Variants in FBXL13 observed in about 807,000 individuals in gnomAD.
FBXL13 encodes the protein F-box and leucine rich repeat protein 13.
Under a neutral mutation model 83.6 loss-of-function variants are expected in FBXL13, and 67 were observed. The ratio of observed to expected loss-of-function variants is 0.80; its 90% CI spans 0.66 to 0.98. The LOEUF is 0.98. Ranked by LOEUF, FBXL13 falls within the 50% of genes least tolerant of loss-of-function variation. The pLI is 0.00. For synonymous variants in FBXL13, 272 were observed against 299.5 expected (o/e 0.91, Z 0.95); for missense variants, 822 against 866.5 (o/e 0.95, Z 0.64).
intron 6 of FBXL13, among the ~76,000 whole-genome samples, chr7:102,979,313 T>C (rs1042590648): frequency 7.2e-5 from 11 of 152,230 alleles, no homozygotes; most frequent in Non-Finnish European, 1.5e-4. Flanking sequence ...CTGGAGATGC[T>C]AGGGCTTACC....
intron 14 of FBXL13, 41 bp downstream of exon 15, chr7:102,883,264 T>C (rs369876688): frequency 6.4e-7 from 1 of 1,570,678 alleles, no homozygotes; most frequent in Non-Finnish European, 8.6e-7. Flanking sequence ...ACATACTAGA[T>C]AATCAACGTT....
At chr7:102,871,965 C>T (rs891036062) in intron 16 of FBXL13, among the ~76,000 whole-genome samples, 7 of 152,100 alleles carry the variant, frequency 4.6e-5, no homozygotes, top group Non-Finnish European at 5.9e-5. Context: ...CAGAGAACAA[C>T]TCAAATAATC....
At chr7:102,838,340 A>G (rs1335039789) in intron 17 of FBXL13, among the ~76,000 whole-genome samples, 1 of 152,134 alleles carries the variant, frequency 6.6e-6, no homozygotes, top group Non-Finnish European at 1.5e-5. Flanking sequence ...GTTGAACAGT[A>G]CCTTGCACAT....
chr7:102,926,234 A>AT, intron 10 of FBXL13, 40 bp downstream of exon 11: 1 of 1,566,848 alleles, frequency 6.4e-7, no homozygotes, highest in Non-Finnish European at 8.7e-7. Context: ...CTTTGGGAGC[A>AT]TAATTTTTTT....
At chr7:102,883,769 A>G (rs1277107678) in intron 12 of FBXL13, 84 bp from the exon 14 acceptor site, 1 of 780,618 alleles carries the variant, frequency 1.3e-6, no homozygotes, top group Non-Finnish European at 2.1e-6. Flanking sequence ...CCTTCAATAT[A>G]TTAGAGACAG....
At chr7:102,946,650 TTTTATTTA>T (rs10570570) in intron 8 of FBXL13, among the ~76,000 whole-genome samples, 8,698 of 140,888 alleles carry the variant, frequency 0.062, 780 homozygotes, top group African/African-American at 0.21. Flanking sequence ...TCTATTTTTA[TTTTATTTA>T]TTTATTTATT....
intron 16 of FBXL13, chr7:102,874,311 C>T (rs1808934102): frequency 3.0e-6 from 3 of 984,920 alleles, no homozygotes; most frequent in Non-Finnish European, 3.6e-6. Flanking sequence ...ATTTTAACTT[C>T]ACTGTTTGAG....
intron 8 of FBXL13, among the ~76,000 whole-genome samples, chr7:102,937,506 C>CA (rs10642422): frequency 0.023 from 2,662 of 113,490 alleles, 175 homozygotes; most frequent in African/African-American, 0.082. Flanking sequence ...GACTCTGTCT[C>CA]AAAAAAAAAA....
intron 2 of FBXL13, 88 bp from the exon 3 acceptor site, chr7:103,055,266 G>C (rs1797228095): frequency 1.5e-6 from 1 of 685,460 alleles, no homozygotes; most frequent in Admixed American, 3.3e-5. Context: ...TAGGTGGAAT[G>C]AAAGGGAGGA....
intron 16 of FBXL13, among the ~76,000 whole-genome samples, chr7:102,856,881 T>C (rs1239063385): frequency 6.6e-6 from 1 of 152,218 alleles, no homozygotes; most frequent in African/African-American, 2.4e-5. Flanking sequence ...CCAGCAATTC[T>C]ACTCCTAGGT....
At chr7:103,001,110 C>A (rs9649252) in intron 6 of FBXL13, among the ~76,000 whole-genome samples, 146,655 of 151,746 alleles carry the variant, frequency 0.97, 70,932 homozygotes, top group East Asian at 1. Context: ...ACACCCAGTT[C>A]TATATATATA....
chr7:102,878,264 G>A, intron 15 of FBXL13, 67 bp downstream of exon 16: 1 of 1,363,012 alleles, frequency 7.3e-7, no homozygotes, highest in African/African-American at 1.5e-5. Context: ...GCTTTTAGGT[G>A]TCTCATGTCT....
intron 2 of FBXL13, among the ~76,000 whole-genome samples, chr7:103,047,894 C>T (rs1264336235): frequency 1.3e-5 from 2 of 152,164 alleles, no homozygotes; most frequent in African/African-American, 4.8e-5. Flanking sequence ...CGGGGTTTCA[C>T]CATGTTAGCC....
intron 16 of FBXL13, among the ~76,000 whole-genome samples, chr7:102,870,839 C>G (rs1291124231): frequency 6.6e-6 from 1 of 152,038 alleles, no homozygotes; most frequent in East Asian, 1.9e-4. Context: ...TTGCTTCAGC[C>G]CAGGAGGTCG....
intron 8 of FBXL13, among the ~76,000 whole-genome samples, chr7:102,954,211 G>C (rs1228994161): frequency 1.3e-5 from 2 of 152,148 alleles, no homozygotes; most frequent in Admixed American, 6.6e-5. Flanking sequence ...TGGAAAAATG[G>C]GGCACTGCTG....
chr7:102,883,489 AAAGAC>A, intron 13 of FBXL13, 22 bp from the exon 15 acceptor site: 1 of 1,601,538 alleles, frequency 6.2e-7, no homozygotes, highest in Non-Finnish European at 8.5e-7. Flanking sequence ...AAACAGAAGA[AAAGAC>A]AAGTATTGTA....
chr7:102,877,921 C>T (rs1202400812), intron 15 of FBXL13, among the ~76,000 whole-genome samples: 1 of 152,002 alleles, frequency 6.6e-6, no homozygotes, highest in African/African-American at 2.4e-5. Flanking sequence ...CCTACTTATC[C>T]CTTACAAGTT....
intron 8 of FBXL13, among the ~76,000 whole-genome samples, chr7:102,959,404 ATG>A (rs1824818876): frequency 1.3e-5 from 2 of 151,990 alleles, no homozygotes; most frequent in Non-Finnish European, 2.9e-5. Flanking sequence ...ATGTCACTAT[ATG>A]TGTGTGTACT....
At chr7:102,983,223 G>C (rs1354480206) in intron 6 of FBXL13, among the ~76,000 whole-genome samples, 1 of 152,078 alleles carries the variant, frequency 6.6e-6, no homozygotes, top group Non-Finnish European at 1.5e-5. Flanking sequence ...ATGCAGTGTA[G>C]CATTAACCAC....
Sources: allele counts gnomAD v4.1 joint callset (sites outside exome capture counted in the v4.1 genomes callset), GRCh38; gene constraint gnomAD v4.1.1; transcripts MANE v1.5; gene names NCBI Gene and HGNC (gene_info 2026-07-23, HGNC 2026-07-21).